The following PANK4 variants were observed in gnomAD, a reference collection of about 807,000 sequenced individuals.
PANK4 encodes the protein pantothenate kinase 4 (inactive).
A neutral mutation model predicts 87.9 loss-of-function variants in PANK4; 40 were observed. The ratio of observed to expected loss-of-function variants is 0.46; its 90% CI spans 0.35 to 0.59. The LOEUF (loss-of-function observed/expected upper bound fraction) is 0.59, where lower values mean the gene tolerates loss of function less well. Ranked by LOEUF, PANK4 falls within the 20% of genes least tolerant of loss-of-function variation. The pLI, the probability that PANK4 is intolerant of heterozygous loss-of-function variation, is 0.00. For missense variants in PANK4, 926 were observed against 1,072.3 expected, an observed-to-expected ratio of 0.86 and a Z score of 1.90; for synonymous variants, 524 against 467.4, an observed-to-expected ratio of 1.12 and a Z score of -1.56.
At chr1:2,517,405 G>A (rs1643800113) in intron 9 of PANK4, among the ~76,000 whole-genome samples, 1 of 152,226 alleles carries the variant, frequency 6.6e-6, no homozygotes, top group Non-Finnish European at 1.5e-5. Context: ...TGCCAACAAT[G>A]CCAGCGGCCT....
chr1:2,522,793 A>G (rs1198121866), intron 1 of PANK4, among the ~76,000 whole-genome samples: 1 of 152,160 alleles, frequency 6.6e-6, no homozygotes, highest in Non-Finnish European at 1.5e-5. Flanking sequence ...GTATGGTGCT[A>G]TAGTGACTTA....
Position 2,519,985 on chromosome 1 carries a change from C to T in PANK4, c.700-31G>A, listed in dbSNP as rs760556035. The T allele has an allele frequency of 1.6e-5, 24 of 1,520,858 alleles. No individual in the cohort carries two copies. In the East Asian group the frequency reaches 1.9e-4, roughly 12 times the overall value. 94.2% of individuals were successfully genotyped at this position (1,520,858 alleles called of 1,614,324 possible). ...GGACACGGCGAGGGGGCGGGTGAGG[C>T]GCCAGGAGCTGCTGGAATCCCCACG... On this transcript the variant is annotated intron_variant, in intron 5 of 18. Coordinates refer to ENST00000378466, the MANE Select transcript of PANK4 (RefSeq NM_018216.4). The surrounding 1 kb of genome is among the most constrained non-coding windows in gnomAD (Gnocchi z 8.3).
At chr1:2,511,990 C>T (rs954869602) in intron 13 of PANK4, among the ~76,000 whole-genome samples, 2 of 152,220 alleles carry the variant, frequency 1.3e-5, no homozygotes, top group African/African-American at 4.8e-5. Context: ...TAACATGCTG[C>T]GATCCGCAGA....
intron 1 of PANK4, among the ~76,000 whole-genome samples, chr1:2,524,290 C>A (rs1424974253): frequency 6.6e-6 from 1 of 151,970 alleles, no homozygotes; most frequent in African/African-American, 2.4e-5. Flanking sequence ...GATCCAGACA[C>A]AGGCAAGGGA....
chr1:2,519,918 G>T lies in PANK4; in HGVS notation c.736C>A (p.Gln246Lys). The T allele has an allele frequency of 6.4e-7, 1 of 1,564,872 alleles. No homozygotes were observed. The change falls in exon 6 of 19, where the codon CAG (glutamine) becomes AAG (lysine). Residue 246 changes from glutamine (Q) to lysine (K), a missense_variant. Coordinates refer to ENST00000378466, the MANE Select transcript of PANK4 (RefSeq NM_018216.4). This position sits in a 1 kb window ranked among gnomAD's most constrained non-coding sequence, Gnocchi z 8.3. The stretch of plus-strand genomic sequence containing the variant: ...ACCAGCATGTCCACATTGCTGTGCT[G>T]GCCCCTCGAGGCCAGGTGCAGGAGC... ...DELLHLASRG[Q>K]HSNVDMLVRD...
chr1:2,509,915 T>C lies in PANK4; in HGVS notation c.2055A>G (p.Glu685=). Residue 685 remains glutamate, a synonymous_variant, in exon 18 of 19, where the codon GAA becomes GAG. Transcript: ENST00000378466. The surrounding 1 kb of genome is among the most constrained non-coding windows in gnomAD (Gnocchi z 4.9). ...CCGTCTGCACCAGCAGCAGCCTCTC[T>C]TCCTGGAGCGCAGAGCTGCCAGATA... ...MDPVVHSALQ[E]ERLLLVQTGS... 6.2e-7 allele frequency: 1 copy of C among 1,612,332 alleles called. No individual in the cohort carries two copies. Among genetic ancestry groups the C allele is most frequent in the Non-Finnish European group, 8.5e-7 (1 of 1,179,790 alleles).
intron 1 of PANK4, among the ~76,000 whole-genome samples, chr1:2,524,603 G>A (rs1643904688): frequency 1.3e-5 from 2 of 152,154 alleles, no homozygotes; most frequent in Non-Finnish European, 2.9e-5. Context: ...TGGTACTCCA[G>A]GGCCCTCTAG....
At chr1:2,517,039 G>A (rs774164330) in intron 9 of PANK4, among the ~76,000 whole-genome samples, 7 of 152,216 alleles carry the variant, frequency 4.6e-5, no homozygotes, top group Non-Finnish European at 7.3e-5. Context: ...GGCCGTCCAC[G>A]CAGTCACTCC....
chr1:2,515,097 C>T lies in PANK4; in HGVS notation c.1374+465G>A, dbSNP rs1643743802. On this transcript the variant is annotated intron_variant, in intron 10 of 18. Transcript: ENST00000378466. This position sits in a 1 kb window ranked among gnomAD's most constrained non-coding sequence, Gnocchi z 5.0. ...CCCGAGCTGAGCTCCTGAGGGGCAG[C>T]GTGGCCCAGGGCCTGGCATTTGCTC... 6.6e-6 allele frequency among the ~76,000 whole-genome samples: 1 copy of T among 152,168 alleles called. No individual in the cohort carries two copies. The highest frequency in any genetic ancestry group is 2.4e-5 in the African/African-American group (1 of 41,442).
rs773646346 is a variant in PANK4, at chr1:2,515,517, C to G, written c.1374+45G>C. The G allele has an allele frequency of 1.2e-6, 2 of 1,602,528 alleles. No homozygotes were observed. Among genetic ancestry groups the G allele is most frequent in the East Asian group, 2.2e-5 (1 of 44,702 alleles). On this transcript the variant is annotated intron_variant, in intron 10 of 18. Coordinates refer to ENST00000378466, the MANE Select transcript of PANK4 (RefSeq NM_018216.4). The surrounding 1 kb of genome is among the most constrained non-coding windows in gnomAD (Gnocchi z 5.0). ...CCCCCGGAGCCTTGGAAGGTTAACCCGGCTGCGGCCTTGGAATCGTCTAGA... is the reference window on the plus strand; with the variant it reads ...CCCCCGGAGCCTTGGAAGGTTAACCGGGCTGCGGCCTTGGAATCGTCTAGA...
intron 15 of PANK4, 123 bp downstream of exon 15, chr1:2,511,215 T>C (rs1169460701): frequency 1.4e-6 from 1 of 710,644 alleles, no homozygotes; most frequent in South Asian, 1.6e-5. Context: ...GCTCGCAGGA[T>C]GGTGAGACTC....
At chr1:2,514,312 G>A in intron 11 of PANK4, 42 bp downstream of exon 11, 2 of 1,446,504 alleles carry the variant, frequency 1.4e-6, no homozygotes, top group Non-Finnish European at 1.9e-6. Context: ...GGGGCCCTCT[G>A]GATGGAAGAG....
intron 1 of PANK4, among the ~76,000 whole-genome samples, chr1:2,525,238 T>G (rs1306103230): frequency 6.6e-6 from 1 of 151,972 alleles, no homozygotes; most frequent in Non-Finnish European, 1.5e-5. Context: ...ATGGCCTGGG[T>G]CTCTCTGAGT....
chr1:2,509,552 G>C lies in PANK4; in HGVS notation c.2108+310C>G, dbSNP rs953063186. Among the ~76,000 whole-genome samples the C allele has an allele frequency of 6.6e-6, 1 of 152,198 alleles. No homozygotes were observed. Among genetic ancestry groups the C allele is most frequent in the African/African-American group, 2.4e-5 (1 of 41,444 alleles). On this transcript the variant is annotated intron_variant, in intron 18 of 18. Coordinates refer to ENST00000378466, the MANE Select transcript of PANK4 (RefSeq NM_018216.4). The surrounding 1 kb of genome is among the most constrained non-coding windows in gnomAD (Gnocchi z 4.9). ...ATCTATGTGGGACACGGAGGTGACA[G>C]ACACCGGGCAGCTGCCCAGGTCGCC...
chr1:2,519,755 T>A lies in PANK4; in HGVS notation c.853+46A>T. 2 of 1,510,902 alleles carry A rather than the reference T, an allele frequency of 1.3e-6. No individual in the cohort carries two copies. Among genetic ancestry groups the A allele is most frequent in the Non-Finnish European group, 1.8e-6 (2 of 1,126,318 alleles). The allele number at this position is 1,510,902 out of a possible 1,614,324, so 93.6% of individuals were successfully genotyped here. A position where few individuals can be genotyped will look rare whatever the true frequency, so the allele number is the denominator to read the frequency against. On this transcript the variant is annotated intron_variant, in intron 6 of 18. Coordinates refer to ENST00000378466, the MANE Select transcript of PANK4 (RefSeq NM_018216.4). The surrounding 1 kb of genome is among the most constrained non-coding windows in gnomAD (Gnocchi z 8.3). ...AAGCTCCTGTCCGTGAGACCCCAAG[T>A]GTCCCCACCATCCTGCTCTCTGGCG...
intron 11 of PANK4, 77 bp from the exon 12 acceptor site, chr1:2,514,166 C>T (rs1257480523): frequency 1.8e-5 from 24 of 1,333,666 alleles, no homozygotes; most frequent in Non-Finnish European, 2.4e-5. Context: ...GGCTGTGCCA[C>T]GGACGTCCTC....
Position 2,514,440 on chromosome 1 carries a change from C to T in PANK4, c.1401G>A (p.Gln467=). The T allele has an allele frequency of 6.2e-7, 1 of 1,611,620 alleles. No individual in the cohort carries two copies. Among genetic ancestry groups the T allele is most frequent in the Non-Finnish European group, 8.5e-7 (1 of 1,179,870 alleles). Residue 467 remains glutamine, a synonymous_variant, in exon 11 of 19, where the codon CAG becomes CAA. Transcript: ENST00000378466. ...TCTCGGCTGCATCCACAGAGTCTGG[C>T]TGGCTCGCCACTGCGCGCTTCACTA... The part of the protein sequence containing the change: ...DGVVKRAVAS[Q]PDSVDAAERA...
rs1643847971 is a variant in PANK4, at chr1:2,519,507, G to A, written c.854-183C>T. On this transcript the variant is annotated intron_variant, in intron 6 of 18. Coordinates refer to ENST00000378466, the MANE Select transcript of PANK4 (RefSeq NM_018216.4). The surrounding 1 kb of genome is among the most constrained non-coding windows in gnomAD (Gnocchi z 8.3). ...GGAGCCCAAGTGCGGGAGGCTGCGT[G>A]TGATGTGTGAATCATTCCTGGACGG... is the stretch of plus-strand genomic sequence containing the variant. Among the ~76,000 whole-genome samples, 1 of 152,028 alleles carries A rather than the reference G, an allele frequency of 6.6e-6. No homozygotes were observed. The highest frequency in any genetic ancestry group is 1.5e-5 in the Non-Finnish European group (1 of 67,994).
chr1:2,524,545 A>G (rs1643903993), intron 1 of PANK4, among the ~76,000 whole-genome samples: 1 of 152,280 alleles, frequency 6.6e-6, no homozygotes, highest in East Asian at 1.9e-4. Flanking sequence ...GACCTCTTAG[A>G]GTATCCTTCT....
Sources: allele counts gnomAD v4.1 joint callset (sites outside exome capture counted in the v4.1 genomes callset), GRCh38; gene constraint gnomAD v4.1.1; non-coding constraint Gnocchi (gnomAD v3.1); transcripts MANE v1.5; gene names NCBI Gene and HGNC (gene_info 2026-07-23, HGNC 2026-07-21).